Variants in CNTNAP2 observed in about 807,000 individuals in gnomAD.
CNTNAP2 encodes the protein contactin-associated protein-like 2.
A neutral mutation model predicts 155.2 loss-of-function variants in CNTNAP2; 98 were observed. The ratio of observed to expected loss-of-function variants is 0.63; its 90% CI spans 0.54 to 0.75. CNTNAP2 has a LOEUF of 0.75. Among genes scored for constraint, CNTNAP2 ranks in the 30% least tolerant of loss-of-function variants. The pLI is 0.00. For synonymous variants in CNTNAP2, 651 were observed against 631.2 expected (o/e 1.03, Z -0.47); for missense variants, 1,727 against 1,688.1 (o/e 1.02, Z -0.40).
At chr7:146,355,836 T>C (rs1794989337) in intron 1 of CNTNAP2, among the ~76,000 whole-genome samples, 1 of 152,090 alleles carries the variant, frequency 6.6e-6, no homozygotes, top group African/African-American at 2.4e-5. Context: ...AACTGGTACT[T>C]TTCATACTTT....
intron 3 of CNTNAP2, among the ~76,000 whole-genome samples, chr7:146,882,418 G>A (rs1387097903): frequency 6.6e-6 from 1 of 152,030 alleles, no homozygotes; most frequent in East Asian, 1.9e-4. Context: ...GGGACTTCAT[G>A]GGAGGTGATT....
intron 20 of CNTNAP2, among the ~76,000 whole-genome samples, chr7:148,261,871 G>C (rs1166223726): frequency 6.6e-6 from 1 of 152,166 alleles, no homozygotes; most frequent in East Asian, 1.9e-4. Flanking sequence ...CCCCCTCCTC[G>C]AGCCTGTGCT....
chr7:148,084,135 T>C (rs1206183013), intron 15 of CNTNAP2, among the ~76,000 whole-genome samples: 1 of 152,242 alleles, frequency 6.6e-6, no homozygotes, highest in Admixed American at 6.5e-5. Context: ...AAGCAGAGTT[T>C]GTTAATATGA....
chr7:148,048,646 G>A (rs570002352), intron 15 of CNTNAP2, among the ~76,000 whole-genome samples: 30 of 152,234 alleles, frequency 2.0e-4, no homozygotes, highest in African/African-American at 7.0e-4. Context: ...AGGGGAATTC[G>A]AGAAGATCAC....
intron 21 of CNTNAP2, among the ~76,000 whole-genome samples, chr7:148,289,493 A>G (rs1020062917): frequency 3.3e-5 from 5 of 150,346 alleles, no homozygotes; most frequent in Non-Finnish European, 5.9e-5. Flanking sequence ...TGACCAATAA[A>G]CACCAACTTA....
chr7:146,352,871 C>A (rs951325871), intron 1 of CNTNAP2, among the ~76,000 whole-genome samples: 2 of 149,160 alleles, frequency 1.3e-5, no homozygotes, highest in African/African-American at 5.0e-5. Context: ...TCTCCTGCCT[C>A]AGCCTCCCTA....
intron 14 of CNTNAP2, among the ~76,000 whole-genome samples, chr7:147,962,717 C>T (rs1176077024): frequency 6.6e-6 from 1 of 152,114 alleles, no homozygotes; most frequent in African/African-American, 2.4e-5. Context: ...TCAAATGCTA[C>T]GTGGTAGGCA....
At chr7:146,531,705 C>G (rs1170233690) in intron 1 of CNTNAP2, among the ~76,000 whole-genome samples, 2 of 151,944 alleles carry the variant, frequency 1.3e-5, no homozygotes, top group Non-Finnish European at 2.9e-5. Context: ...CCCCCACGCC[C>G]AGCTAATTTT....
intron 12 of CNTNAP2, among the ~76,000 whole-genome samples, chr7:147,602,279 A>G (rs948780126): frequency 9.9e-5 from 15 of 152,164 alleles, no homozygotes; most frequent in African/African-American, 3.6e-4. Context: ...AGATTTCAAA[A>G]TAAATTTGTT....
intron 10 of CNTNAP2, among the ~76,000 whole-genome samples, chr7:147,447,436 G>C (rs535364885): frequency 6.6e-6 from 1 of 152,258 alleles, no homozygotes; most frequent in South Asian, 2.1e-4. Context: ...TTTGTTTTGA[G>C]ATGGAGTCTC....
At chr7:146,799,612 A>G (rs779895633) in intron 2 of CNTNAP2, among the ~76,000 whole-genome samples, 9 of 152,248 alleles carry the variant, frequency 5.9e-5, no homozygotes, top group Non-Finnish European at 1.3e-4. Context: ...TCAAAAGACA[A>G]TGAGTGAAAA....
chr7:146,932,625 T>C (rs1168401743), intron 3 of CNTNAP2, among the ~76,000 whole-genome samples: 1 of 151,968 alleles, frequency 6.6e-6, no homozygotes, highest in African/African-American at 2.4e-5. Flanking sequence ...GGTATTCAAT[T>C]AGGAAAAGAG....
chr7:146,721,022 T>TTATATATATACTCTATATTCTA (rs71165033), intron 1 of CNTNAP2, among the ~76,000 whole-genome samples: 2 of 120,444 alleles, frequency 1.7e-5, no homozygotes, highest in African/African-American at 8.4e-5. Flanking sequence ...ACTCTATATA[T>TTATATATATACTCTATATTCTA]TATATATACT....
At chr7:146,408,930 C>G (rs771453258) in intron 1 of CNTNAP2, among the ~76,000 whole-genome samples, 1 of 151,998 alleles carries the variant, frequency 6.6e-6, no homozygotes, top group Non-Finnish European at 1.5e-5. Flanking sequence ...AATTCACATG[C>G]CTTCATTGGT....
intron 10 of CNTNAP2, among the ~76,000 whole-genome samples, chr7:147,398,466 A>T (rs1796857575): frequency 6.6e-6 from 1 of 151,612 alleles, no homozygotes; most frequent in African/African-American, 2.4e-5. Context: ...CACAAGCCTG[A>T]CTTTTATAGA....
At chr7:146,489,943 A>G (rs145022452) in intron 1 of CNTNAP2, among the ~76,000 whole-genome samples, 2 of 152,290 alleles carry the variant, frequency 1.3e-5, no homozygotes, top group Non-Finnish European at 2.9e-5. Context: ...GCATGACAGT[A>G]TAAAAAACAA....
intron 1 of CNTNAP2, among the ~76,000 whole-genome samples, chr7:146,622,153 A>ATATATATACACACACG (rs1799330016): frequency 1.3e-5 from 2 of 148,942 alleles, no homozygotes; most frequent in African/African-American, 2.5e-5. Context: ...ACACACACGT[A>ATATATATACACACACG]TATATATATA....
At chr7:146,262,385 T>C (rs1167504276) in intron 1 of CNTNAP2, among the ~76,000 whole-genome samples, 1 of 152,198 alleles carries the variant, frequency 6.6e-6, no homozygotes, top group African/African-American at 2.4e-5. Flanking sequence ...CAAAATGGCC[T>C]ATAGTATCAG....
chr7:148,314,883 G>A (rs1797659952), intron 21 of CNTNAP2, among the ~76,000 whole-genome samples: 1 of 152,196 alleles, frequency 6.6e-6, no homozygotes, highest in South Asian at 2.1e-4. Context: ...TCCGTGACCG[G>A]TGCCGGAGTT....
Sources: gnomAD v4.1 joint callset for allele counts (sites outside exome capture counted in the v4.1 genomes callset) on GRCh38, gnomAD v4.1.1 for gene constraint, MANE v1.5 for transcripts, NCBI Gene and HGNC (gene_info 2026-07-23, HGNC 2026-07-21) for gene names.